Variants in KLHL12 observed in about 807,000 individuals in gnomAD.
The protein encoded by KLHL12 is kelch-like protein 12.
A neutral mutation model predicts 60.8 loss-of-function variants in KLHL12; 17 were observed. The ratio of observed to expected loss-of-function variants is 0.28; its 90% confidence interval spans 0.19 to 0.42. KLHL12 has a LOEUF of 0.42. KLHL12 is among the 10% of genes least tolerant of loss of function. The probability of loss-of-function intolerance (pLI) is 1.00; values close to 1 mark genes in which losing one functional copy is unlikely to be tolerated. For missense variants in KLHL12, 468 were observed against 722.3 expected (o/e 0.65, Z 4.04); for synonymous variants, 220 against 250.9 (o/e 0.88, Z 1.16).
chr1:202,914,036 T>C (rs1660444975), intron 4 of KLHL12, among the ~76,000 whole-genome samples: 1 of 152,086 alleles, frequency 6.6e-6, no homozygotes, highest in Admixed American at 6.6e-5. Flanking sequence ...AGGAAATGAC[T>C]AGAAGGCTAG....
intron 5 of KLHL12, among the ~76,000 whole-genome samples, chr1:202,910,020 A>G (rs1660308055): frequency 6.6e-6 from 1 of 152,292 alleles, no homozygotes; most frequent in East Asian, 1.9e-4. Flanking sequence ...ATTAAATGGC[A>G]CCTCTATTAA....
At chr1:202,894,374 G>T in intron 9 of KLHL12, 92 bp from the exon 10 acceptor site, 1 of 942,326 alleles carries the variant, frequency 1.1e-6, no homozygotes, top group Non-Finnish European at 1.6e-6. Context: ...AATTATTTTA[G>T]TTTCAATTTT....
At chr1:202,903,441 G>T (rs1660074882) in intron 6 of KLHL12, among the ~76,000 whole-genome samples, 1 of 118,446 alleles carries the variant, frequency 8.4e-6, no homozygotes. Context: ...AATCTTTATT[G>T]TTTCTCTCAT....
chr1:202,927,519 C>A (rs375332591), upstream of KLHL12, among the ~76,000 whole-genome samples: 283 of 52,518 alleles, frequency 5.4e-3, no homozygotes, highest in African/African-American at 0.013. Flanking sequence ...CCCGTTTCTA[C>A]AAAAAAAAAA....
intron 3 of KLHL12, among the ~76,000 whole-genome samples, chr1:202,918,960 A>AAAAC (rs912614177): frequency 6.6e-6 from 1 of 152,242 alleles, no homozygotes; most frequent in Non-Finnish European, 1.5e-5. Context: ...TTAAAAAAGA[A>AAAAC]AAACTGGGGA....
chr1:202,896,949 C>G lies in KLHL12; in HGVS notation c.844G>C (p.Val282Leu), dbSNP rs775908332. 6.2e-7 allele frequency: 1 copy of G among 1,614,046 alleles called. No homozygotes were observed. Among genetic ancestry groups the G allele is most frequent in the Non-Finnish European group, 8.5e-7 (1 of 1,179,930 alleles). ...RTRARLGANE[V>L]LLVVGGFGSQ... ...CCAAAGCCCCCAACCACCAAAAGCA[C>G]TTCATTGGCTCCTGAAGACAAAGGC... is the stretch of plus-strand genomic sequence containing the variant. Residue 282 changes from valine to leucine, a missense_variant, in exon 7 of 12, where the codon GTG becomes CTG. Around this residue, in one of 4 missense-constraint regions of KLHL12, gnomAD observed 339 missense variants for 525.0 expected, o/e 0.65. Transcript: ENST00000367261.
chr1:202,927,292 C>CT, upstream of KLHL12: 1 of 985,068 alleles, frequency 1.0e-6, no homozygotes, highest in South Asian at 4.7e-5. Flanking sequence ...GCCCTCCCCC[C>CT]GCTCCAGAGT....
chr1:202,901,001 A>G (rs1324534604), intron 6 of KLHL12, among the ~76,000 whole-genome samples: 2 of 152,058 alleles, frequency 1.3e-5, no homozygotes, highest in Non-Finnish European at 2.9e-5. Flanking sequence ...AGCCGAGATC[A>G]TGCCGCTACA....
chr1:202,925,166 G>A lies in KLHL12; in HGVS notation c.-4C>T, dbSNP rs375291812. ...TGGGGGCCATAATGCCTCCCATAAA[G>A]CAGTGCGGAGAAAGAACAAAATGGG... On this transcript the variant is annotated 5_prime_UTR_variant, in exon 2 of 12. Transcript: ENST00000367261. The A allele has an allele frequency of 9.3e-6, 15 of 1,613,842 alleles. No individual in the cohort carries two copies. The highest frequency in any genetic ancestry group is 1.2e-5 in the Non-Finnish European group (14 of 1,179,950).
At chr1:202,903,807 G>C (rs71635598) in intron 6 of KLHL12, among the ~76,000 whole-genome samples, 2 of 150,974 alleles carry the variant, frequency 1.3e-5, no homozygotes, top group Non-Finnish European at 3.0e-5. Context: ...ACTTTTAGTA[G>C]AGACAGGGTT....
intron 6 of KLHL12, among the ~76,000 whole-genome samples, chr1:202,901,679 C>T (rs1660011854): frequency 6.6e-6 from 1 of 152,044 alleles, no homozygotes; most frequent in African/African-American, 2.4e-5. Flanking sequence ...GAAGGACTCT[C>T]TTCATTATTT....
chr1:202,905,433 C>A (rs1660151711), intron 6 of KLHL12, among the ~76,000 whole-genome samples: 2 of 152,098 alleles, frequency 1.3e-5, no homozygotes, highest in African/African-American at 4.8e-5. Flanking sequence ...GAACTGGTAA[C>A]CCAGAGAAGT....
chr1:202,921,704 GAAGAA>G (rs1223014854), intron 2 of KLHL12, among the ~76,000 whole-genome samples: 1 of 152,128 alleles, frequency 6.6e-6, no homozygotes, highest in Non-Finnish European at 1.5e-5. Context: ...TTAGCTAAGA[GAAGAA>G]ATCTTCAATT....
intron 2 of KLHL12, among the ~76,000 whole-genome samples, chr1:202,923,084 T>C (rs1660747303): frequency 1.3e-5 from 2 of 152,294 alleles, no homozygotes; most frequent in African/African-American, 4.8e-5. Flanking sequence ...CTCTGGACTC[T>C]CTCCTTTGAA....
chr1:202,896,781 T>G, intron 7 of KLHL12, 73 bp downstream of exon 7: 2 of 1,113,698 alleles, frequency 1.8e-6, no homozygotes, highest in South Asian at 2.5e-5. Context: ...TAAGGCTGGA[T>G]TAGCTATGAT....
chr1:202,906,526 T>C (rs12043834), intron 6 of KLHL12, among the ~76,000 whole-genome samples: 4,200 of 150,686 alleles, frequency 0.028, 158 homozygotes, highest in South Asian at 0.11. Flanking sequence ...TATTGTTTAA[T>C]GGGTACAGAG....
intron 6 of KLHL12, among the ~76,000 whole-genome samples, chr1:202,903,351 C>A (rs572598172): frequency 7.7e-4 from 113 of 146,542 alleles, no homozygotes; most frequent in Admixed American, 1.8e-3. Context: ...ACTAATAAGA[C>A]CCTATTATTA....
Position 202,894,690 on chromosome 1 carries a change from A to G in KLHL12, c.1195T>C (p.Tyr399His). 6.2e-7 allele frequency: 1 copy of G among 1,614,048 alleles called. No individual in the cohort carries two copies. The highest frequency in any genetic ancestry group is 1.1e-5 in the South Asian group (1 of 91,084). The part of the protein sequence containing the change: ...GSRRHTSMER[Y>H]DPNIDQWSML... ...CTCCACTGGTCAATGTTTGGATCATAGCGCTCCATACTGGTGTGACGCCTG... is the reference window on the plus strand; with the variant it reads ...CTCCACTGGTCAATGTTTGGATCATGGCGCTCCATACTGGTGTGACGCCTG... The change falls in exon 9 of 12, where the codon TAT (tyrosine) becomes CAT (histidine). Residue 399 changes from tyrosine (Y) to histidine (H), a missense_variant. Transcript: ENST00000367261.
chr1:202,915,951 T>C (rs768513281), intron 4 of KLHL12, among the ~76,000 whole-genome samples: 1 of 152,222 alleles, frequency 6.6e-6, no homozygotes, highest in Non-Finnish European at 1.5e-5. Context: ...GAACCAACAG[T>C]AAATGCTGAA....
Sources: allele counts gnomAD v4.1 joint callset (sites outside exome capture counted in the v4.1 genomes callset), GRCh38; gene constraint gnomAD v4.1.1; regional missense constraint gnomAD v4.1.1; transcripts MANE v1.5; gene names NCBI Gene and HGNC (gene_info 2026-07-23, HGNC 2026-07-21).